MYO5B: variants seen among roughly 807,000 people sequenced by gnomAD.
MYO5B encodes myosin VB.
Under a neutral mutation model 229.3 loss-of-function variants are expected in MYO5B, and 143 were observed. The ratio of observed to expected loss-of-function variants is 0.62; its 90% CI spans 0.54 to 0.72. The LOEUF (loss-of-function observed/expected upper bound fraction) is 0.72, where lower values mean the gene tolerates loss of function less well. Ranked by LOEUF, MYO5B falls within the 30% of genes least tolerant of loss-of-function variation. MYO5B has a pLI of 0.00. For synonymous variants in MYO5B, 918 were observed against 885.2 expected (o/e 1.04, Z -0.66); for missense variants, 2,321 against 2,331.0 (o/e 1.00, Z 0.09).
intron 1 of MYO5B, among the ~76,000 whole-genome samples, chr18:50,123,563 CA>C (rs1283285149): frequency 6.6e-6 from 1 of 151,816 alleles, no homozygotes; most frequent in African/African-American, 2.4e-5. Context: ...CCCATCTCTG[CA>C]AAAAATATAA....
chr18:50,011,521 A>G (rs2026160670), intron 4 of MYO5B, among the ~76,000 whole-genome samples: 1 of 152,074 alleles, frequency 6.6e-6, no homozygotes, highest in South Asian at 2.1e-4. Context: ...CTGCACGTCC[A>G]AAACAGTGCT....
intron 22 of MYO5B, among the ~76,000 whole-genome samples, chr18:49,891,703 TTTGGGGA>T (rs77190178): frequency 0.071 from 10,743 of 152,190 alleles, 861 homozygotes; most frequent in East Asian, 0.3. Context: ...GCTCCACACC[TTTGGGGA>T]GAAGGCTCAA....
chr18:49,845,803 C>T (rs1164275765), intron 33 of MYO5B, among the ~76,000 whole-genome samples: 1 of 152,144 alleles, frequency 6.6e-6, no homozygotes, highest in African/African-American at 2.4e-5. Flanking sequence ...TGGCCTGTGG[C>T]AGATGGGGCA....
At chr18:50,107,109 CTTTTTTTTTTTTTTTTTTTT>C (rs71169479) in intron 1 of MYO5B, among the ~76,000 whole-genome samples, 1 of 56,584 alleles carries the variant, frequency 1.8e-5, no homozygotes, top group Non-Finnish European at 3.2e-5. Context: ...CTTAGGGTGC[CTTTTTTTTTTTTTTTTTTTT>C]TTTTTTTTTT....
At chr18:50,056,268 AGCCCT>A (rs2030546893) in intron 1 of MYO5B, among the ~76,000 whole-genome samples, 1 of 152,204 alleles carries the variant, frequency 6.6e-6, no homozygotes, top group Non-Finnish European at 1.5e-5. Context: ...GGAGGTTCCC[AGCCCT>A]ACTTGCAGTC....
At chr18:49,960,953 C>G (rs374258601) in intron 12 of MYO5B, among the ~76,000 whole-genome samples, 20 of 152,326 alleles carry the variant, frequency 1.3e-4, no homozygotes, top group African/African-American at 4.6e-4. Context: ...AGCTTAGCAT[C>G]CCAGAGGCCT....
intron 9 of MYO5B, among the ~76,000 whole-genome samples, 172 bp downstream of exon 9, chr18:49,980,272 G>A (rs2025799548): frequency 6.6e-6 from 1 of 152,190 alleles, no homozygotes; most frequent in Admixed American, 6.5e-5. Flanking sequence ...GATGGCAGCT[G>A]ATTTTTAAAG....
chr18:49,868,221 G>C (rs1159302684), intron 27 of MYO5B, among the ~76,000 whole-genome samples: 4 of 151,984 alleles, frequency 2.6e-5, no homozygotes, highest in Non-Finnish European at 4.4e-5. Flanking sequence ...AAATTCTCTA[G>C]ATTTTCTTGT....
At chr18:50,131,807 C>T (rs938099463) in intron 1 of MYO5B, among the ~76,000 whole-genome samples, 1 of 152,106 alleles carries the variant, frequency 6.6e-6, no homozygotes, top group Non-Finnish European at 1.5e-5. Flanking sequence ...GAAACCACCT[C>T]CCCTCTATTA....
At chr18:50,108,695 A>G (rs1394371642) in intron 1 of MYO5B, among the ~76,000 whole-genome samples, 2 of 152,196 alleles carry the variant, frequency 1.3e-5, no homozygotes, top group Non-Finnish European at 2.9e-5. Flanking sequence ...GTATGCAGCA[A>G]TTATCTCGGG....
At chr18:49,828,556 T>A in intron 39 of MYO5B, among the ~76,000 whole-genome samples, 1 of 152,172 alleles carries the variant, frequency 6.6e-6, no homozygotes, top group East Asian at 1.9e-4. Context: ...ATAGAGGCCA[T>A]GAACAACACT....
chr18:49,881,879 G>A (rs995870375), intron 22 of MYO5B, among the ~76,000 whole-genome samples: 1 of 152,074 alleles, frequency 6.6e-6, no homozygotes, highest in East Asian at 1.9e-4. Context: ...CTATTTGTAT[G>A]GGTTTTTAAA....
intron 1 of MYO5B, among the ~76,000 whole-genome samples, chr18:50,186,685 C>G (rs2144357119): frequency 6.6e-6 from 1 of 152,326 alleles, no homozygotes; most frequent in South Asian, 2.1e-4. Context: ...AACTAATGAA[C>G]AGTTGCCAAC....
Position 49,894,906 on chromosome 18 carries a change from G to T in MYO5B, c.3045+35C>A, listed in dbSNP as rs550372254. ...GTGGCTCCGTGTGCCCACCCACTCTGCTTGCCAGCGCCTGCCCCTCTGGCC... is the reference window on the plus strand; with the variant it reads ...GTGGCTCCGTGTGCCCACCCACTCTTCTTGCCAGCGCCTGCCCCTCTGGCC... On this transcript the variant is annotated intron_variant, in intron 22 of 39. Transcript: ENST00000285039. The T allele has an allele frequency of 1.9e-5, 30 of 1,589,708 alleles. 1 individual carries two copies. The South Asian group carries it at 2.9e-4, about 15-fold the overall frequency.
intron 1 of MYO5B, among the ~76,000 whole-genome samples, chr18:50,160,880 C>T (rs1167680189): frequency 1.3e-5 from 2 of 152,190 alleles, no homozygotes; most frequent in African/African-American, 4.8e-5. Context: ...AACACCCACC[C>T]CTCAGCCACC....
intron 23 of MYO5B, 199 bp from the exon 24 acceptor site, chr18:49,879,289 GA>G: frequency 1.6e-6 from 1 of 638,158 alleles, no homozygotes; most frequent in East Asian, 2.9e-5. Context: ...CAGAGAGGGA[GA>G]GAAAGACCCT....
At chr18:49,977,370 T>C (rs2025763079) in intron 9 of MYO5B, among the ~76,000 whole-genome samples, 1 of 152,094 alleles carries the variant, frequency 6.6e-6, no homozygotes, top group Non-Finnish European at 1.5e-5. Context: ...TGGAGCACAT[T>C]CTCATGCTTT....
chr18:49,938,639 A>C (rs1787598), intron 14 of MYO5B, among the ~76,000 whole-genome samples: 108,534 of 151,756 alleles, frequency 0.72, 39,224 homozygotes, highest in Middle Eastern at 0.84. Flanking sequence ...TGTGTCTGAA[A>C]TCCCTAGTCT....
intron 1 of MYO5B, among the ~76,000 whole-genome samples, chr18:50,150,859 G>C (rs574015256): frequency 6.6e-6 from 1 of 152,206 alleles, no homozygotes; most frequent in African/African-American, 2.4e-5. Context: ...AAGAAAAATA[G>C]GGCAGTGGAA....
Sources: allele counts gnomAD v4.1 joint callset (sites outside exome capture counted in the v4.1 genomes callset), GRCh38; gene constraint gnomAD v4.1.1; transcripts MANE v1.5; gene names NCBI Gene and HGNC (gene_info 2026-07-23, HGNC 2026-07-21).